Variants in OLA1 observed in about 807,000 individuals in gnomAD.
OLA1 encodes Obg like ATPase 1.
Under a neutral mutation model 48.4 loss-of-function variants are expected in OLA1, and 14 were observed. The observed-to-expected ratio is 0.29, with a 90% confidence interval of 0.19 to 0.45. The LOEUF is 0.45. Ranked by LOEUF, OLA1 falls within the 20% of genes least tolerant of loss-of-function variation. The pLI, the probability that OLA1 is intolerant of heterozygous loss-of-function variation, is 1.00. For synonymous variants in OLA1, 127 were observed against 150.4 expected, an observed-to-expected ratio of 0.84 and a Z score of 1.14; for missense variants, 325 against 467.1, an observed-to-expected ratio of 0.70 and a Z score of 2.80.
chr2:174,223,450 A>G (rs1349462314), intron 3 of OLA1, among the ~76,000 whole-genome samples: 1 of 152,180 alleles, frequency 6.6e-6, no homozygotes. Context: ...ATAAAGTTCT[A>G]TTGGCACATG....
At chr2:174,237,279 C>G (rs1688878288) in intron 2 of OLA1, among the ~76,000 whole-genome samples, 1 of 151,830 alleles carries the variant, frequency 6.6e-6, no homozygotes, top group Admixed American at 6.6e-5. Flanking sequence ...CTGTCTTCCA[C>G]CTACACATTT....
chr2:174,184,728 A>T (rs1687614826), intron 4 of OLA1, among the ~76,000 whole-genome samples: 1 of 152,210 alleles, frequency 6.6e-6, no homozygotes, highest in South Asian at 2.1e-4. Context: ...TGAGAACTCG[A>T]TGTATCATCT....
At chr2:174,075,601 A>T in intron 10 of OLA1, 74 bp from the exon 11 acceptor site, 5 of 893,788 alleles carry the variant, frequency 5.6e-6, no homozygotes, top group Non-Finnish European at 7.3e-6. Flanking sequence ...GTGGCAGCAG[A>T]TATAAAAAGT....
intron 3 of OLA1, 142 bp from the exon 4 acceptor site, chr2:174,223,302 C>A: frequency 1.3e-6 from 1 of 749,572 alleles, no homozygotes. Flanking sequence ...AATATCCACC[C>A]CTCCCCCCAA....
intron 4 of OLA1, among the ~76,000 whole-genome samples, chr2:174,202,505 G>T (rs1375908447): frequency 6.6e-6 from 1 of 152,140 alleles, no homozygotes; most frequent in Non-Finnish European, 1.5e-5. Flanking sequence ...TGTGTTTAAT[G>T]CTATATTGTA....
rs367579471 is a variant in OLA1 at position 174,225,181 on chromosome 2, C to T, written c.246-2021G>A. 3.9e-5 allele frequency among the ~76,000 whole-genome samples: 6 copies of T among 152,210 alleles called. No individual in the cohort carries two copies. In the East Asian group the frequency reaches 9.7e-4, roughly 24 times the overall value. On this transcript the variant is annotated intron_variant, in intron 3 of 10. Transcript: ENST00000284719. Reference sequence around the variant, plus strand: ...GCAGGTTGTTTAAAATGGTCTGGTGCCTGTCTCCACTCTCTCTTGCTCCCC... The same window carrying T: ...GCAGGTTGTTTAAAATGGTCTGGTGTCTGTCTCCACTCTCTCTTGCTCCCC...
At chr2:174,102,240 T>G (rs1227393335) in intron 7 of OLA1, among the ~76,000 whole-genome samples, 8 of 151,988 alleles carry the variant, frequency 5.3e-5, no homozygotes, top group African/African-American at 1.9e-4. Flanking sequence ...CTGCAGTCTG[T>G]TTTAATAAAG....
intron 2 of OLA1, among the ~76,000 whole-genome samples, chr2:174,245,153 A>C (rs1412071478): frequency 2.0e-5 from 3 of 152,376 alleles, no homozygotes; most frequent in East Asian, 1.9e-4. Flanking sequence ...AGCTCACAAC[A>C]TAAATAATGA....
At chr2:174,205,092 T>C (rs1037389652) in intron 4 of OLA1, among the ~76,000 whole-genome samples, 7 of 152,242 alleles carry the variant, frequency 4.6e-5, no homozygotes, top group Non-Finnish European at 7.3e-5. Context: ...TTATCGCATA[T>C]AGTAAACTTC....
chr2:174,200,468 G>A (rs2105431675), intron 4 of OLA1, among the ~76,000 whole-genome samples: 1 of 152,264 alleles, frequency 6.6e-6, no homozygotes, highest in South Asian at 2.1e-4. Context: ...CAGAACTGGG[G>A]AGGATATAAA....
chr2:174,113,397 A>AT (rs1407040807), intron 7 of OLA1, among the ~76,000 whole-genome samples: 1 of 152,116 alleles, frequency 6.6e-6, no homozygotes, highest in Non-Finnish European at 1.5e-5. Context: ...ATTTCATATA[A>AT]TTTTTAATTT....
At chr2:174,208,934 T>G (rs946267115) in intron 4 of OLA1, among the ~76,000 whole-genome samples, 1 of 152,228 alleles carries the variant, frequency 6.6e-6, no homozygotes, top group South Asian at 2.1e-4. Flanking sequence ...TCTATACTCA[T>G]GTCTACGTCT....
At chr2:174,123,126 T>G (rs1355911579) in intron 7 of OLA1, 54 bp downstream of exon 7, 2 of 794,874 alleles carry the variant, frequency 2.5e-6, no homozygotes, top group South Asian at 1.5e-5. Flanking sequence ...GGGTGTGTGT[T>G]TGTGTGTGTA....
intron 4 of OLA1, among the ~76,000 whole-genome samples, chr2:174,178,872 T>A (rs1345520297): frequency 1.3e-5 from 2 of 151,888 alleles, no homozygotes; most frequent in African/African-American, 4.8e-5. Flanking sequence ...AGAGCAAAAT[T>A]AAAACTTTGC....
chr2:174,083,312 G>C (rs1377699529), intron 7 of OLA1, among the ~76,000 whole-genome samples: 1 of 152,092 alleles, frequency 6.6e-6, no homozygotes, highest in Non-Finnish European at 1.5e-5. Context: ...ATCAATGGCA[G>C]GGGAGCAGAG....
At chr2:174,197,610 T>C (rs1384313496) in intron 4 of OLA1, among the ~76,000 whole-genome samples, 1 of 152,224 alleles carries the variant, frequency 6.6e-6, no homozygotes. Context: ...TAAATGTTCC[T>C]GTACACAAAG....
In OLA1 at chr2:174,163,179, T is replaced by A. The variant is rs190362385; in HGVS notation, c.374-21179A>T. Among the ~76,000 whole-genome samples the A allele has an allele frequency of 1.2e-3, 184 of 152,250 alleles. 1 individual carries two copies. Among genetic ancestry groups the A allele is most frequent in the East Asian group, 8.5e-3 (44 of 5,176 alleles). Reference sequence around the variant, plus strand: ...GGATTACTAGGGAGAAGCCTGAGATTCTGCATTTTAAAGCAAACATATGTC... The same window carrying A: ...GGATTACTAGGGAGAAGCCTGAGATACTGCATTTTAAAGCAAACATATGTC... On this transcript the variant is annotated intron_variant, in intron 4 of 10. Transcript: ENST00000284719.
chr2:174,206,975 A>G (rs1203825586), intron 4 of OLA1, among the ~76,000 whole-genome samples: 2 of 152,216 alleles, frequency 1.3e-5, no homozygotes, highest in Non-Finnish European at 1.5e-5. Flanking sequence ...TTATATTGGC[A>G]ATTTGTGTCT....
intron 7 of OLA1, among the ~76,000 whole-genome samples, chr2:174,114,595 A>G (rs1685738148): frequency 6.6e-6 from 1 of 152,120 alleles, no homozygotes; most frequent in Non-Finnish European, 1.5e-5. Context: ...TTCAAAATGG[A>G]TTAAATCCAA....
Sources: gnomAD v4.1 joint callset for allele counts (sites outside exome capture counted in the v4.1 genomes callset) on GRCh38, gnomAD v4.1.1 for gene constraint, MANE v1.5 for transcripts, NCBI Gene and HGNC (gene_info 2026-07-23, HGNC 2026-07-21) for gene names.